NTNG1: variants seen among roughly 807,000 people sequenced by gnomAD.
The protein encoded by NTNG1 is netrin-G1.
A neutral mutation model predicts 54.0 loss-of-function variants in NTNG1; 16 were observed. That is an observed-to-expected ratio of 0.30 (90% CI 0.20 to 0.45). The LOEUF (loss-of-function observed/expected upper bound fraction) is 0.45, where lower values mean the gene tolerates loss of function less well. Among genes scored for constraint, NTNG1 ranks in the 20% least tolerant of loss-of-function variants. The pLI, the probability that NTNG1 is intolerant of heterozygous loss-of-function variation, is 1.00. For synonymous variants in NTNG1, 255 were observed against 263.1 expected (o/e 0.97, Z 0.30); for missense variants, 530 against 678.7 (o/e 0.78, Z 2.43).
chr1:107,162,177 G>A (rs1451571947), intron 2 of NTNG1, among the ~76,000 whole-genome samples: 1 of 152,078 alleles, frequency 6.6e-6, no homozygotes, highest in African/African-American at 2.4e-5. Context: ...AACTCTTGGT[G>A]TGTATGAGCA....
chr1:107,396,926 G>A (rs1672720964), intron 4 of NTNG1, among the ~76,000 whole-genome samples: 1 of 152,148 alleles, frequency 6.6e-6, no homozygotes, highest in South Asian at 2.1e-4. Context: ...ACGTGACCTT[G>A]TTCTTCTACC....
At chr1:107,362,949 G>A (rs930047123) in intron 3 of NTNG1, among the ~76,000 whole-genome samples, 3 of 152,042 alleles carry the variant, frequency 2.0e-5, no homozygotes. Flanking sequence ...TTAGTGCCTC[G>A]CCCTTTCCCT....
intron 2 of NTNG1, among the ~76,000 whole-genome samples, chr1:107,164,885 T>C (rs2101067020): frequency 6.6e-6 from 1 of 152,298 alleles, no homozygotes; most frequent in African/African-American, 2.4e-5. Context: ...GGCGAGAGCA[T>C]ACCTAGACAA....
intron 7 of NTNG1, among the ~76,000 whole-genome samples, chr1:107,445,850 G>T (rs983719958): frequency 6.6e-6 from 1 of 151,928 alleles, no homozygotes; most frequent in Non-Finnish European, 1.5e-5. Flanking sequence ...TTTTTTTATG[G>T]ATGCTGAAAT....
At chr1:107,394,644 A>T (rs544742255) in intron 3 of NTNG1, among the ~76,000 whole-genome samples, 1 of 152,172 alleles carries the variant, frequency 6.6e-6, no homozygotes, top group Non-Finnish European at 1.5e-5. Flanking sequence ...ACTTGATTAT[A>T]ATTTCTTGGG....
intron 3 of NTNG1, among the ~76,000 whole-genome samples, chr1:107,358,502 T>C (rs1379088945): frequency 6.6e-6 from 1 of 152,120 alleles, no homozygotes; most frequent in African/African-American, 2.4e-5. Context: ...AATTCATTTG[T>C]TGCATTCTAG....
At chr1:107,383,470 T>C (rs996560445) in intron 3 of NTNG1, among the ~76,000 whole-genome samples, 16 of 152,180 alleles carry the variant, frequency 1.1e-4, no homozygotes, top group African/African-American at 3.9e-4. Context: ...ACTTATGTGG[T>C]TCTATAAAGA....
chr1:107,447,603 T>G (rs1676383542), intron 7 of NTNG1, among the ~76,000 whole-genome samples: 1 of 152,054 alleles, frequency 6.6e-6, no homozygotes, highest in Non-Finnish European at 1.5e-5. Flanking sequence ...AAGTAACAAT[T>G]TTAATAAAGA....
intron 2 of NTNG1, among the ~76,000 whole-genome samples, chr1:107,210,165 G>A (rs929933953): frequency 6.6e-6 from 1 of 152,094 alleles, no homozygotes; most frequent in African/African-American, 2.4e-5. Context: ...ATTTCCACTG[G>A]AGACCAAGCA....
chr1:107,313,511 T>C (rs187486025), intron 2 of NTNG1, among the ~76,000 whole-genome samples: 20 of 152,214 alleles, frequency 1.3e-4, no homozygotes, highest in African/African-American at 4.6e-4. Flanking sequence ...GTCATCGAAG[T>C]GTAAGTGATA....
At chr1:107,272,014 G>A (rs935148500) in intron 2 of NTNG1, among the ~76,000 whole-genome samples, 1 of 152,120 alleles carries the variant, frequency 6.6e-6, no homozygotes, top group South Asian at 2.1e-4. Flanking sequence ...ATACCCTTCT[G>A]ACCAAATAGT....
At chr1:107,308,883 T>C (rs528940805) in intron 2 of NTNG1, among the ~76,000 whole-genome samples, 2 of 152,342 alleles carry the variant, frequency 1.3e-5, no homozygotes, top group South Asian at 4.1e-4. Flanking sequence ...TTTATTCTTT[T>C]CTTTTTGTGG....
At chr1:107,389,191 ACTT>A (rs1350315888) in intron 3 of NTNG1, among the ~76,000 whole-genome samples, 1 of 152,256 alleles carries the variant, frequency 6.6e-6, no homozygotes, top group African/African-American at 2.4e-5. Flanking sequence ...CCGAAGCTAA[ACTT>A]CATCCACTTC....
intron 2 of NTNG1, among the ~76,000 whole-genome samples, chr1:107,296,629 T>C (rs1456718446): frequency 1.4e-5 from 2 of 147,954 alleles, no homozygotes; most frequent in Admixed American, 6.8e-5. Context: ...ATTATTTCTA[T>C]GAATATATGA....
chr1:107,179,210 G>T (rs1656883499), intron 2 of NTNG1, among the ~76,000 whole-genome samples: 1 of 152,114 alleles, frequency 6.6e-6, no homozygotes. Context: ...AATTAATAAT[G>T]AGTGTCCAGC....
At position 107,359,685 on chromosome 1, in the gene NTNG1, A is replaced by G. The variant is rs143238627; in HGVS notation, c.887+34763A>G. ...TTTGGAGCTTCCTGTTTCTGTGATT[A>G]GAAAACCTACAGATAGGTTTACATT... On this transcript the variant is annotated intron_variant, in intron 3 of 7. Transcript: ENST00000370068. 1.1e-4 allele frequency among the ~76,000 whole-genome samples: 16 copies of G among 152,284 alleles called. No homozygotes were observed. The East Asian group carries it at 3.1e-3, about 29-fold the overall frequency.
At chr1:107,436,526 G>A (rs1675605974) in intron 6 of NTNG1, 139 bp from the exon 7 acceptor site, 1 of 587,890 alleles carries the variant, frequency 1.7e-6, no homozygotes, top group Admixed American at 3.6e-5. Context: ...TTGTGAAATA[G>A]CCATATTTGC....
chr1:107,463,461 G>A (rs1677403444), intron 7 of NTNG1, among the ~76,000 whole-genome samples: 1 of 150,966 alleles, frequency 6.6e-6, no homozygotes, highest in Non-Finnish European at 1.5e-5. Context: ...TGGCTGAATT[G>A]TCAAAATTTT....
intron 3 of NTNG1, among the ~76,000 whole-genome samples, chr1:107,372,109 T>C (rs370970224): frequency 2.6e-4 from 40 of 152,168 alleles, no homozygotes; most frequent in African/African-American, 9.4e-4. Context: ...TTAATTTATC[T>C]TCTCTAAAAA....
Sources: gnomAD v4.1 joint callset for allele counts (sites outside exome capture counted in the v4.1 genomes callset) on GRCh38, gnomAD v4.1.1 for gene constraint, MANE v1.5 for transcripts, NCBI Gene and HGNC (gene_info 2026-07-23, HGNC 2026-07-21) for gene names.